Variants in TRPS1 observed in about 807,000 individuals in gnomAD.
TRPS1 encodes the protein transcriptional repressor GATA binding 1.
Under a neutral mutation model 101.2 loss-of-function variants are expected in TRPS1, and 6 were observed. The ratio of observed to expected loss-of-function variants is 0.06; its 90% CI spans 0.03 to 0.12. TRPS1 has a LOEUF of 0.12. TRPS1 is among the 10% of genes least tolerant of loss of function. The pLI is 1.00. For missense variants in TRPS1, 1,363 were observed against 1,567.0 expected (o/e 0.87, Z 2.20); for synonymous variants, 578 against 589.8 (o/e 0.98, Z 0.29).
chr8:115,603,867 C>A lies in TRPS1; in HGVS notation c.2096+6G>T, dbSNP rs547628528. 1 of 1,613,772 alleles carries A rather than the reference C, an allele frequency of 6.2e-7. No homozygotes were observed. The highest frequency in any genetic ancestry group is 8.5e-7 in the Non-Finnish European group (1 of 1,179,890). ...ATTCCTCCCGACCCCACCCCCCATGCCTCACCTGTAGTGTCGGGAAATCTC... is the reference window on the plus strand; with the variant it reads ...ATTCCTCCCGACCCCACCCCCCATGACTCACCTGTAGTGTCGGGAAATCTC... On this transcript the variant is annotated splice_donor_region_variant and intron_variant, in intron 4 of 6. Transcript: ENST00000395715.
chr8:115,539,913 T>C (rs1321140935), intron 5 of TRPS1, among the ~76,000 whole-genome samples: 1 of 152,198 alleles, frequency 6.6e-6, no homozygotes, highest in African/African-American at 2.4e-5. Flanking sequence ...ACATGATCCA[T>C]CATCGAGAAT....
At chr8:115,537,094 A>T (rs1816341740) in intron 5 of TRPS1, among the ~76,000 whole-genome samples, 1 of 152,106 alleles carries the variant, frequency 6.6e-6, no homozygotes, top group African/African-American at 2.4e-5. Context: ...AGAAAAAATG[A>T]AGTTTGCTTT....
chr8:115,448,073 A>C (rs1246254877), intron 5 of TRPS1, among the ~76,000 whole-genome samples: 1 of 152,146 alleles, frequency 6.6e-6, no homozygotes, highest in East Asian at 1.9e-4. Context: ...AGATATATAG[A>C]TTCAATATAA....
intron 5 of TRPS1, among the ~76,000 whole-genome samples, chr8:115,457,422 G>A (rs538687065): frequency 6.6e-6 from 1 of 152,236 alleles, no homozygotes; most frequent in Non-Finnish European, 1.5e-5. Flanking sequence ...AAATCATAGA[G>A]ATAGAGAAGA....
intron 5 of TRPS1, among the ~76,000 whole-genome samples, chr8:115,523,416 T>G (rs1421978018): frequency 6.6e-6 from 1 of 152,124 alleles, no homozygotes; most frequent in Non-Finnish European, 1.5e-5. Context: ...TGTGGGTACA[T>G]GTGAAAGTTT....
At chr8:115,453,337 A>G (rs1813929184) in intron 5 of TRPS1, among the ~76,000 whole-genome samples, 2 of 152,086 alleles carry the variant, frequency 1.3e-5, no homozygotes, top group Admixed American at 6.6e-5. Flanking sequence ...ATATTTTTAA[A>G]CCTAAAGTTG....
At chr8:115,664,873 T>C (rs1811886152) in intron 1 of TRPS1, among the ~76,000 whole-genome samples, 1 of 152,162 alleles carries the variant, frequency 6.6e-6, no homozygotes. Flanking sequence ...TGGAAAGTTG[T>C]CAGCCTGTTG....
At chr8:115,629,059 G>A (rs1818578036) in intron 1 of TRPS1, among the ~76,000 whole-genome samples, 1 of 151,610 alleles carries the variant, frequency 6.6e-6, no homozygotes, top group Non-Finnish European at 1.5e-5. Context: ...CTAATGTTCT[G>A]ATGAACACAG....
intron 5 of TRPS1, among the ~76,000 whole-genome samples, chr8:115,536,929 A>G (rs188638831): frequency 5.9e-5 from 9 of 152,204 alleles, no homozygotes; most frequent in South Asian, 2.1e-4. Flanking sequence ...CCATTTAAAT[A>G]AAGTTATAAA....
chr8:115,616,019 T>C (rs1225865215), intron 3 of TRPS1, among the ~76,000 whole-genome samples: 3 of 151,560 alleles, frequency 2.0e-5, no homozygotes, highest in Non-Finnish European at 4.4e-5. Flanking sequence ...CTAGCCATTA[T>C]AGCTTCTCTT....
intron 5 of TRPS1, among the ~76,000 whole-genome samples, chr8:115,527,936 C>T (rs954460370): frequency 2.6e-5 from 4 of 152,010 alleles, no homozygotes; most frequent in Admixed American, 2.0e-4. Context: ...GAAATGAGGA[C>T]GATTTTGTTT....
intron 5 of TRPS1, among the ~76,000 whole-genome samples, chr8:115,543,580 GCTAA>G (rs765906540): frequency 2.0e-5 from 3 of 150,458 alleles, no homozygotes; most frequent in African/African-American, 4.9e-5. Flanking sequence ...AAAAATTGAG[GCTAA>G]CTCTTTAGCA....
chr8:115,642,308 C>T (rs546372471), intron 1 of TRPS1, among the ~76,000 whole-genome samples: 759 of 4,190 alleles, frequency 0.18, 7 homozygotes, highest in African/African-American at 0.36. Flanking sequence ...GTCATATATC[C>T]GATATGAATC....
chr8:115,595,180 T>C (rs1178047805), intron 4 of TRPS1, among the ~76,000 whole-genome samples: 3 of 151,916 alleles, frequency 2.0e-5, no homozygotes, highest in African/African-American at 7.2e-5. Flanking sequence ...TTCAAATACT[T>C]AAATTTAAAT....
In TRPS1 at chr8:115,587,177, C is replaced by A; in HGVS notation, c.2524G>T (p.Asp842Tyr). ...TGGGCGGCCTCCACATTGGGACTAT[C>A]CCTTAGAGTCTTTGTCTGCTCTTGG... is the stretch of plus-strand genomic sequence containing the variant. The part of the protein sequence containing the change: ...GTQEQTKTLR[D>Y]SPNVEAAHLA... The change falls in exon 5 of 7, where the codon GAT (aspartate) becomes TAT (tyrosine). Residue 842 changes from aspartate (D) to tyrosine (Y), a missense_variant. Asp to Tyr is a radical substitution (Grantham distance 160, BLOSUM62 -3). This residue lies in a region of TRPS1 where 1,020 missense variants were observed against 1,073.0 expected (regional missense o/e 0.95). Coordinates refer to ENST00000395715, the MANE Select transcript of TRPS1 (RefSeq NM_014112.5). The A allele has an allele frequency of 6.2e-7, 1 of 1,614,236 alleles. No homozygotes were observed. The highest frequency in any genetic ancestry group is 8.5e-7 in the Non-Finnish European group (1 of 1,180,040).
chr8:115,493,210 T>C (rs900047418), intron 5 of TRPS1, among the ~76,000 whole-genome samples: 2 of 152,322 alleles, frequency 1.3e-5, no homozygotes, highest in South Asian at 4.1e-4. Flanking sequence ...GTTTTTAGCC[T>C]ATCACCATAA....
At chr8:115,444,079 T>C (rs1423682807) in intron 5 of TRPS1, among the ~76,000 whole-genome samples, 1 of 152,214 alleles carries the variant, frequency 6.6e-6, no homozygotes, top group Non-Finnish European at 1.5e-5. Context: ...CATTAGCATC[T>C]TATCTTCCAC....
At chr8:115,426,375 T>A (rs1327177649) in intron 5 of TRPS1, among the ~76,000 whole-genome samples, 1 of 152,096 alleles carries the variant, frequency 6.6e-6, no homozygotes, top group Admixed American at 6.5e-5. Context: ...ATATCAGCGA[T>A]GAAGACCTTT....
At chr8:115,433,504 T>C (rs1563728037) in intron 5 of TRPS1, among the ~76,000 whole-genome samples, 1 of 152,100 alleles carries the variant, frequency 6.6e-6, no homozygotes, top group Non-Finnish European at 1.5e-5. Flanking sequence ...GTAAAAGCAG[T>C]ACTGAATTTA....
Sources: allele counts gnomAD v4.1 joint callset (sites outside exome capture counted in the v4.1 genomes callset), GRCh38; gene constraint gnomAD v4.1.1; regional missense constraint gnomAD v4.1.1; transcripts MANE v1.5; gene names NCBI Gene and HGNC (gene_info 2026-07-23, HGNC 2026-07-21).